Variants in RASGEF1B observed in about 807,000 individuals in gnomAD.
RASGEF1B encodes the protein ras-GEF domain-containing family member 1B.
Under a neutral mutation model 65.7 loss-of-function variants are expected in RASGEF1B, and 30 were observed. The observed-to-expected ratio is 0.46, with a 90% confidence interval of 0.34 to 0.62. The LOEUF (loss-of-function observed/expected upper bound fraction) is 0.62, where lower values mean the gene tolerates loss of function less well. RASGEF1B is among the 20% of genes least tolerant of loss of function. The pLI, the probability that RASGEF1B is intolerant of heterozygous loss-of-function variation, is 0.01. For synonymous variants in RASGEF1B, 175 were observed against 194.8 expected (o/e 0.90, Z 0.85); for missense variants, 495 against 580.1 (o/e 0.85, Z 1.51).
At chr4:81,449,749 T>C (rs1471756485) in intron 4 of RASGEF1B, among the ~76,000 whole-genome samples, 1 of 152,214 alleles carries the variant, frequency 6.6e-6, no homozygotes, top group African/African-American at 2.4e-5. Flanking sequence ...AGACCCATAG[T>C]TTTTTTATAG....
intron 10 of RASGEF1B, among the ~76,000 whole-genome samples, chr4:81,438,483 T>A (rs1721721390): frequency 1.3e-5 from 2 of 152,240 alleles, no homozygotes; most frequent in Admixed American, 1.3e-4. Context: ...AAAGGTAGAT[T>A]TAACTAGAAA....
intron 8 of RASGEF1B, 83 bp from the exon 9 acceptor site, chr4:81,442,459 T>C: frequency 3.9e-6 from 3 of 764,520 alleles, no homozygotes; most frequent in Non-Finnish European, 4.5e-6. Context: ...ACTTCTAAAA[T>C]ACTTTCATTA....
At chr4:81,471,111 T>G (rs890293846) in intron 1 of RASGEF1B, 2 of 152,050 alleles carry the variant, frequency 1.3e-5, no homozygotes, top group African/African-American at 2.4e-5. Flanking sequence ...TCTCCCAAGT[T>G]TGCCAGGTGA....
chr4:81,432,132 A>G (rs1298634930), intron 13 of RASGEF1B, among the ~76,000 whole-genome samples, 167 bp downstream of exon 13: 1 of 152,222 alleles, frequency 6.6e-6, no homozygotes, highest in African/African-American at 2.4e-5. Flanking sequence ...AATAAAGCAG[A>G]ATGATGGTAG....
chr4:81,459,917 G>C (rs1158056246), intron 1 of RASGEF1B, among the ~76,000 whole-genome samples: 1 of 152,168 alleles, frequency 6.6e-6, no homozygotes, highest in African/African-American at 2.4e-5. Context: ...TTAAAATTTG[G>C]TTGGGAAAAG....
chr4:81,463,606 G>C (rs891887968), intron 1 of RASGEF1B, among the ~76,000 whole-genome samples: 2 of 152,088 alleles, frequency 1.3e-5, no homozygotes, highest in Non-Finnish European at 2.9e-5. Flanking sequence ...AGCTGTTTTC[G>C]GAAGGATCAA....
chr4:81,449,439 T>A (rs1722169113), intron 4 of RASGEF1B, among the ~76,000 whole-genome samples: 1 of 152,224 alleles, frequency 6.6e-6, no homozygotes, highest in South Asian at 2.1e-4. Context: ...AATCCATCAA[T>A]CCCAGGGCAC....
At chr4:81,454,027 T>C (rs1722359181) in intron 4 of RASGEF1B, 1 of 152,204 alleles carries the variant, frequency 6.6e-6, no homozygotes. Context: ...ATTCCTCAGT[T>C]AGAACTGGCT....
intron 1 of RASGEF1B, among the ~76,000 whole-genome samples, chr4:81,467,722 A>C (rs1047372251): frequency 2.0e-5 from 3 of 152,166 alleles, no homozygotes; most frequent in African/African-American, 7.2e-5. Flanking sequence ...TTATTGAACT[A>C]TACAGCTCAT....
At chr4:81,461,042 T>C (rs994221409) in intron 1 of RASGEF1B, among the ~76,000 whole-genome samples, 30 of 152,198 alleles carry the variant, frequency 2.0e-4, no homozygotes, top group African/African-American at 7.2e-4. Context: ...ACACCCTTAG[T>C]TGGCAAGACC....
chr4:81,443,559 T>A lies in RASGEF1B; in HGVS notation c.929-1183A>T, dbSNP rs1038210967. Among the ~76,000 whole-genome samples, 3 of 152,352 alleles carry A rather than the reference T, an allele frequency of 2.0e-5. No individual in the cohort carries two copies. The East Asian group carries it at 5.8e-4, about 29-fold the overall frequency. On this transcript the variant is annotated intron_variant, in intron 8 of 13. Transcript: ENST00000264400. ...ATCCACTCTTGTGTCTGTCTTATTT[T>A]GCACAACATAATGATTCTAAAATTA...
chr4:81,456,573 G>T, intron 4 of RASGEF1B, 78 bp downstream of exon 4: 1 of 1,470,378 alleles, frequency 6.8e-7, no homozygotes. Context: ...TGGAGATTAG[G>T]ATGCATAATT....
At chr4:81,439,698 C>T (rs929533051) in intron 10 of RASGEF1B, among the ~76,000 whole-genome samples, 1 of 152,172 alleles carries the variant, frequency 6.6e-6, no homozygotes, top group African/African-American at 2.4e-5. Context: ...CTGTTTGAAG[C>T]TTAAAAGACC....
At chr4:81,465,096 A>AAAAAAAAAAAAAG (rs1314548474) in intron 1 of RASGEF1B, among the ~76,000 whole-genome samples, 126 of 151,992 alleles carry the variant, frequency 8.3e-4, no homozygotes, top group African/African-American at 2.9e-3. Context: ...AAAAAAAAAA[A>AAAAAAAAAAAAAG]AAAGAAAGAA....
intron 10 of RASGEF1B, among the ~76,000 whole-genome samples, chr4:81,437,629 T>C (rs905239044): frequency 6.6e-6 from 1 of 152,230 alleles, no homozygotes; most frequent in Non-Finnish European, 1.5e-5. Context: ...AAATTCTAGA[T>C]GGCAGAGGCT....
At chr4:81,439,493 C>T (rs1721761479) in intron 10 of RASGEF1B, among the ~76,000 whole-genome samples, 2 of 152,182 alleles carry the variant, frequency 1.3e-5, no homozygotes, top group Admixed American at 1.3e-4. Flanking sequence ...CTTTGGCCAA[C>T]AATGCAGCTC....
At chr4:81,462,082 T>C (rs887769076) in intron 1 of RASGEF1B, among the ~76,000 whole-genome samples, 2 of 152,236 alleles carry the variant, frequency 1.3e-5, no homozygotes, top group African/African-American at 2.4e-5. Flanking sequence ...TCAGATTTAA[T>C]GAAGTCCTAA....
chr4:81,471,249 A>G (rs1157065426), intron 1 of RASGEF1B: 2 of 152,276 alleles, frequency 1.3e-5, no homozygotes, highest in African/African-American at 4.8e-5. Flanking sequence ...CTCCCCCTAC[A>G]CACACACGCA....
intron 1 of RASGEF1B, among the ~76,000 whole-genome samples, chr4:81,466,961 A>G (rs553975349): frequency 4.6e-5 from 7 of 151,346 alleles, no homozygotes; most frequent in East Asian, 1.9e-4. Context: ...AAAAAGAAAA[A>G]AAAGGTATTG....
Sources: allele counts gnomAD v4.1 joint callset (sites outside exome capture counted in the v4.1 genomes callset), GRCh38; gene constraint gnomAD v4.1.1; transcripts MANE v1.5; gene names NCBI Gene and HGNC (gene_info 2026-07-23, HGNC 2026-07-21).